RTL4: variants seen among roughly 807,000 people sequenced by gnomAD.
RTL4 encodes the protein retrotransposon Gag-like protein 4.
In RTL4, 4 loss-of-function variants were observed where a neutral mutation model predicts 5.3. The ratio of observed to expected loss-of-function variants is 0.75; its 90% confidence interval spans 0.37 to 1.72. RTL4 has a LOEUF of 1.72. RTL4 is among the 40% of genes most tolerant of loss of function. The pLI is 0.04. For missense variants in RTL4, 260 were observed against 227.1 expected, an observed-to-expected ratio of 1.14 and a Z score of -0.93; for synonymous variants, 98 against 87.3, an observed-to-expected ratio of 1.12 and a Z score of -0.68.
At chrX:112,109,412 C>T in the RTL4 span, among the ~76,000 whole-genome samples, 39 of 111,608 alleles carry the variant, frequency 3.5e-4, no homozygotes, top group African/African-American at 1.1e-3. Flanking sequence ...AAAGGGGACC[C>T]GAGCAGGTTG....
chrX:112,364,808 T>G, the RTL4 span, among the ~76,000 whole-genome samples: 2 of 112,293 alleles, frequency 1.8e-5, no homozygotes, highest in Non-Finnish European at 3.8e-5. Context: ...TCCATTGGTA[T>G]GGACTAATTA....
At chrX:112,375,093 C>T in the RTL4 span, among the ~76,000 whole-genome samples, 1 of 111,670 alleles carries the variant, frequency 9.0e-6, no homozygotes, top group African/African-American at 3.3e-5. Flanking sequence ...GGGTCTTACA[C>T]TTGTCTTCTC....
the RTL4 span, among the ~76,000 whole-genome samples, chrX:112,246,310 G>T: frequency 1.8e-5 from 2 of 111,842 alleles, no homozygotes; most frequent in African/African-American, 6.5e-5. Flanking sequence ...GTTCAGCTCT[G>T]CCCTGCCCCA....
At chrX:112,339,131 G>T in the RTL4 span, among the ~76,000 whole-genome samples, 3 of 111,431 alleles carry the variant, frequency 2.7e-5, no homozygotes, top group Non-Finnish European at 5.7e-5. Flanking sequence ...ACTCCATACC[G>T]TAAGTAACAG....
At chrX:112,088,651 G>A in the RTL4 span, among the ~76,000 whole-genome samples, 47 of 111,891 alleles carry the variant, frequency 4.2e-4, no homozygotes, top group Non-Finnish European at 5.1e-4. Flanking sequence ...TTCCATAGTG[G>A]TTGTACCATT....
chrX:112,142,282 C>A, the RTL4 span, among the ~76,000 whole-genome samples: 1 of 112,528 alleles, frequency 8.9e-6, no homozygotes, highest in East Asian at 2.8e-4. Flanking sequence ...AAGGATAGGG[C>A]AGACTACATT....
chrX:112,142,549 G>A, the RTL4 span, among the ~76,000 whole-genome samples: 1 of 111,781 alleles, frequency 8.9e-6, no homozygotes, highest in African/African-American at 3.3e-5. Flanking sequence ...ATCAGAGCCT[G>A]AACAATTGCC....
chrX:112,362,391 A>G, the RTL4 span, among the ~76,000 whole-genome samples: 1 of 111,915 alleles, frequency 8.9e-6, no homozygotes, highest in Non-Finnish European at 1.9e-5. Flanking sequence ...AAAGACGATA[A>G]CATGTTAGAA....
the RTL4 span, among the ~76,000 whole-genome samples, chrX:112,117,239 T>C: frequency 9.3e-6 from 1 of 108,108 alleles, no homozygotes; most frequent in East Asian, 2.9e-4. Context: ...ACATAATCGT[T>C]ATATGGTAAA....
chrX:112,157,433 C>G, the RTL4 span, among the ~76,000 whole-genome samples: 1 of 110,998 alleles, frequency 9.0e-6, no homozygotes, highest in African/African-American at 3.3e-5. Context: ...TATATAGCTG[C>G]AGCCTAAGGC....
At chrX:112,247,098 G>A in the RTL4 span, among the ~76,000 whole-genome samples, 1 of 111,395 alleles carries the variant, frequency 9.0e-6, no homozygotes, top group Non-Finnish European at 1.9e-5. Flanking sequence ...AAATGTTCAA[G>A]TGACCCAAAA....
the RTL4 span, among the ~76,000 whole-genome samples, chrX:112,231,191 A>G: frequency 9.0e-6 from 1 of 111,358 alleles, no homozygotes; most frequent in Non-Finnish European, 1.9e-5. Context: ...CTAGAACTAG[A>G]AATACCATTT....
the RTL4 span, among the ~76,000 whole-genome samples, chrX:112,280,984 C>G: frequency 9.0e-6 from 1 of 111,554 alleles, no homozygotes. Context: ...ACCTCACATA[C>G]TTCTCATCTT....
chrX:112,104,976 T>C, the RTL4 span, among the ~76,000 whole-genome samples: 1 of 112,052 alleles, frequency 8.9e-6, no homozygotes, highest in East Asian at 2.8e-4. Context: ...CAGACCAATT[T>C]CATCAAGCTT....
chrX:112,115,016 G>T, the RTL4 span, among the ~76,000 whole-genome samples: 1 of 110,873 alleles, frequency 9.0e-6, no homozygotes, highest in Admixed American at 9.6e-5. Flanking sequence ...AGGGTTTTTG[G>T]GTCAAATTGG....
the RTL4 span, among the ~76,000 whole-genome samples, chrX:112,171,441 G>T: frequency 9.0e-6 from 1 of 111,305 alleles, no homozygotes; most frequent in African/African-American, 3.3e-5. Flanking sequence ...ACTCTTTATT[G>T]GTCTATTTGG....
chrX:112,112,474 C>T, the RTL4 span, among the ~76,000 whole-genome samples: 8 of 111,317 alleles, frequency 7.2e-5, no homozygotes, highest in Non-Finnish European at 1.3e-4. Context: ...AATGTCTTAG[C>T]GTGAGGATAA....
At chrX:112,424,663 T>A in the RTL4 span, among the ~76,000 whole-genome samples, 2 of 111,301 alleles carry the variant, frequency 1.8e-5, no homozygotes, top group Non-Finnish European at 1.9e-5. Context: ...AGGCTTTCGA[T>A]TGCCTGGATT....
the RTL4 span, among the ~76,000 whole-genome samples, chrX:112,240,091 T>C: frequency 1.8e-5 from 2 of 112,030 alleles, no homozygotes; most frequent in African/African-American, 6.5e-5. Flanking sequence ...ATGAAAAATA[T>C]TTCAACAAAT....
Sources: gnomAD v4.1 joint callset for allele counts (sites outside exome capture counted in the v4.1 genomes callset) on GRCh38, gnomAD v4.1.1 for gene constraint, MANE v1.5 for transcripts, NCBI Gene and HGNC (gene_info 2026-07-23, HGNC 2026-07-21) for gene names.